MEGF11: variants seen among roughly 807,000 people sequenced by gnomAD.
The protein encoded by MEGF11 is multiple EGF like domains 11, also known as multiple epidermal growth factor-like domains protein 11.
MEGF11 carries 126 observed loss-of-function variants against 146.6 expected under a neutral mutation model. The observed-to-expected ratio is 0.86, with a 90% CI of 0.74 to 1.00. The LOEUF (loss-of-function observed/expected upper bound fraction) is 1.00. MEGF11 is among the 50% of genes least tolerant of loss of function. The probability of loss-of-function intolerance (pLI) is 0.00; values close to 1 mark genes in which losing one functional copy is unlikely to be tolerated. For synonymous variants in MEGF11, 532 were observed against 583.4 expected, an observed-to-expected ratio of 0.91 and a Z score of 1.27; for missense variants, 1,509 against 1,521.2, an observed-to-expected ratio of 0.99 and a Z score of 0.13.
rs371195273 is a variant in MEGF11 at position 66,141,850 on chromosome 15, T to C, written c.-8-13439A>G. On this transcript the variant is annotated intron_variant, in intron 1 of 25. Coordinates refer to ENST00000395614, the MANE Select transcript of MEGF11 (RefSeq NM_001385028.1). ...CTAACATCATCTTTAAATGAGCCGATTGTGCCTCAGCTGTGCTTTGAGGAA... is the reference window on the plus strand; with the variant it reads ...CTAACATCATCTTTAAATGAGCCGACTGTGCCTCAGCTGTGCTTTGAGGAA... Among the ~76,000 whole-genome samples, 15 of 152,248 alleles carry C rather than the reference T, an allele frequency of 9.9e-5. 1 individual carries two copies. The East Asian group carries it at 2.5e-3, about 25-fold the overall frequency.
intron 10 of MEGF11, 48 bp from the exon 11 acceptor site, chr15:65,930,991 G>C: frequency 6.7e-7 from 1 of 1,492,718 alleles, no homozygotes; most frequent in Non-Finnish European, 9.0e-7. Context: ...CTCCATGTTG[G>C]ATGGCTGTGG....
chr15:65,933,256 T>C (rs1479525479), intron 10 of MEGF11, among the ~76,000 whole-genome samples: 1 of 152,224 alleles, frequency 6.6e-6, no homozygotes, highest in Admixed American at 6.5e-5. Context: ...TTCTCCAAGA[T>C]GATAAATAGC....
intron 5 of MEGF11, among the ~76,000 whole-genome samples, chr15:66,066,228 G>A (rs915411526): frequency 2.6e-5 from 4 of 152,124 alleles, no homozygotes; most frequent in African/African-American, 7.2e-5. Context: ...GCAGCAGCAG[G>A]GTAGGCAAGA....
In MEGF11 at chr15:65,942,004, A is replaced by T. The variant is rs189514027; in HGVS notation, c.1288-11061T>A. On this transcript the variant is annotated intron_variant, in intron 10 of 25. Transcript: ENST00000395614. ...GCCAGGCACTTTTTTTTTCCCTCTT[A>T]TCTCCTTTTGTTCTATAACAGCCCT... is the stretch of plus-strand genomic sequence containing the variant. Among the ~76,000 whole-genome samples, 14 of 151,152 alleles carry T rather than the reference A, an allele frequency of 9.3e-5. No individual in the cohort carries two copies. The East Asian group carries it at 2.7e-3, about 29-fold the overall frequency.
At chr15:65,914,638 G>A (rs2078930724) in intron 19 of MEGF11, among the ~76,000 whole-genome samples, 1 of 152,182 alleles carries the variant, frequency 6.6e-6, no homozygotes, top group Non-Finnish European at 1.5e-5. Context: ...CAGGCCCACA[G>A]TGTCTAGACT....
chr15:65,921,196 C>T (rs1339273614), intron 15 of MEGF11, among the ~76,000 whole-genome samples: 2 of 152,188 alleles, frequency 1.3e-5, no homozygotes, highest in Admixed American at 1.3e-4. Flanking sequence ...AGGTAGTGAG[C>T]TCTCAGTCAA....
Position 65,916,839 on chromosome 15 carries a change from A to G in MEGF11, c.2204T>C (p.Phe735Ser), listed in dbSNP as rs1267334633. The change falls in exon 17 of 26, where the codon TTC becomes TCC. Residue 735 changes from phenylalanine (F) to serine (S), a missense_variant. By Grantham distance (155) the Phe-to-Ser change is radical. Transcript: ENST00000395614. ...GAGGTGGGGCTTACGCTGTGTGCAG[A>G]AGAGTCCAGTCCAGCCAGGGGTGCA... Reference protein sequence around the residue: ...CHCTPGWTGLFCTQRCPAAFF... With the variant: ...CHCTPGWTGLSCTQRCPAAFF... 11 of 1,608,064 alleles carry G rather than the reference A, an allele frequency of 6.8e-6. No homozygotes were observed. The highest frequency in any genetic ancestry group is 9.4e-6 in the Non-Finnish European group (11 of 1,176,114).
At chr15:66,099,985 G>A (rs948512389) in intron 4 of MEGF11, among the ~76,000 whole-genome samples, 8 of 152,172 alleles carry the variant, frequency 5.3e-5, no homozygotes, top group Admixed American at 5.2e-4. Flanking sequence ...CCCTTTCCGT[G>A]TCTGGTCCTC....
intron 5 of MEGF11, among the ~76,000 whole-genome samples, chr15:65,985,995 A>G (rs1168108087): frequency 2.0e-5 from 3 of 147,434 alleles, no homozygotes; most frequent in African/African-American, 7.5e-5. Flanking sequence ...CTTGTTGCCC[A>G]GGCTGGAGTG....
At chr15:66,097,393 C>T (rs896481664) in intron 4 of MEGF11, among the ~76,000 whole-genome samples, 5 of 152,192 alleles carry the variant, frequency 3.3e-5, no homozygotes, top group African/African-American at 1.2e-4. Flanking sequence ...TACTCAGCTG[C>T]TGCTCCTAGA....
rs779313304 is a variant in MEGF11, at chr15:65,897,978, T to A, written c.3379A>T (p.Arg1127Ter). 1.9e-6 allele frequency: 3 copies of A among 1,614,008 alleles called. No homozygotes were observed. The highest frequency in any genetic ancestry group is 2.2e-5 in the South Asian group (2 of 91,082). Residue 1127 changes from arginine to a stop codon, truncating the protein, a stop_gained, in exon 26 of 26, where the codon AGA becomes TGA. Transcript: ENST00000395614. LOFTEE classifies it high-confidence loss of function. ...IPGHYDLLPV[R>*]QSPANGPSQD... ...GACGGCCCATTGGCAGGGCTCTGTC[T>A]TACTGGGAGGAGGTCATAATGACCA...
intron 1 of MEGF11, among the ~76,000 whole-genome samples, chr15:66,200,125 G>A (rs954684530): frequency 7.2e-5 from 11 of 152,202 alleles, no homozygotes; most frequent in South Asian, 4.1e-4. Context: ...ATACCAAAAT[G>A]TTGCCAGAAG....
At chr15:66,145,038 C>A (rs954424448) in intron 1 of MEGF11, among the ~76,000 whole-genome samples, 4 of 152,298 alleles carry the variant, frequency 2.6e-5, no homozygotes, top group Admixed American at 1.3e-4. Context: ...TCCCGGACAG[C>A]CCTGCTGTAG....
At chr15:66,140,750 A>T (rs1567260761) in intron 1 of MEGF11, among the ~76,000 whole-genome samples, 1 of 152,166 alleles carries the variant, frequency 6.6e-6, no homozygotes. Context: ...GTGGGGAGTG[A>T]GGCCGGTGGG....
At chr15:65,954,912 T>A (rs572745513) in intron 10 of MEGF11, among the ~76,000 whole-genome samples, 1 of 152,300 alleles carries the variant, frequency 6.6e-6, no homozygotes, top group African/African-American at 2.4e-5. Flanking sequence ...AGACAATGTA[T>A]ATGACCAGAC....
intron 1 of MEGF11, among the ~76,000 whole-genome samples, chr15:66,179,172 A>C (rs891636193): frequency 2.0e-5 from 3 of 152,122 alleles, no homozygotes; most frequent in African/African-American, 7.2e-5. Flanking sequence ...TCTCTCTGTC[A>C]TCCAGGCTGG....
At chr15:66,016,503 A>C (rs1188046831) in intron 5 of MEGF11, among the ~76,000 whole-genome samples, 1 of 129,798 alleles carries the variant, frequency 7.7e-6, no homozygotes, top group Non-Finnish European at 1.6e-5. Flanking sequence ...TTTTTTTGGA[A>C]GCAAGGAGTT....
At chr15:66,224,670 ATT>A (rs2091812031) in intron 1 of MEGF11, among the ~76,000 whole-genome samples, 1 of 145,938 alleles carries the variant, frequency 6.9e-6, no homozygotes, top group African/African-American at 2.5e-5. Context: ...TAAAGTATAT[ATT>A]TATATATAAT....
intron 5 of MEGF11, among the ~76,000 whole-genome samples, chr15:65,990,749 CA>C (rs2082021859): frequency 6.6e-6 from 1 of 151,926 alleles, no homozygotes; most frequent in Admixed American, 6.6e-5. Flanking sequence ...AAGAAAGAAA[CA>C]AACAAACACT....
Sources: gnomAD v4.1 joint callset for allele counts (sites outside exome capture counted in the v4.1 genomes callset) on GRCh38, gnomAD v4.1.1 for gene constraint, MANE v1.5 for transcripts, NCBI Gene and HGNC (gene_info 2026-07-23, HGNC 2026-07-21) for gene names.